Variants in VAX2 observed in about 807,000 individuals in gnomAD.
VAX2 encodes the protein ventral anterior homeobox 2.
A neutral mutation model predicts 12.5 loss-of-function variants in VAX2; 8 were observed. The observed-to-expected ratio is 0.64, with a 90% confidence interval of 0.37 to 1.15. The LOEUF (loss-of-function observed/expected upper bound fraction) is 1.15. VAX2 is among the 50% of genes most tolerant of loss of function. The pLI is 0.01. For synonymous variants in VAX2, 183 were observed against 187.6 expected, an observed-to-expected ratio of 0.98 and a Z score of 0.20; for missense variants, 476 against 412.9, an observed-to-expected ratio of 1.15 and a Z score of -1.32.
At chr2:70,928,710 T>C (rs1679625396) in intron 2 of VAX2, among the ~76,000 whole-genome samples, 1 of 152,170 alleles carries the variant, frequency 6.6e-6, no homozygotes, top group African/African-American at 2.4e-5. Context: ...GGGAATGAGT[T>C]AGTGCCACTC....
chr2:70,916,904 A>G lies in VAX2; in HGVS notation c.248-4194A>G, dbSNP rs574040539. Among the ~76,000 whole-genome samples the G allele has an allele frequency of 1.7e-4, 26 of 152,244 alleles. No individual in the cohort carries two copies. The South Asian group carries it at 5.4e-3, about 32-fold the overall frequency. ...TACAGCTCACGCCTGTAATCCCAACACTTTGGGAGGCCCAGGCAGGTGGAT... is the reference window on the plus strand; with the variant it reads ...TACAGCTCACGCCTGTAATCCCAACGCTTTGGGAGGCCCAGGCAGGTGGAT... On this transcript the variant is annotated intron_variant, in intron 1 of 2. Transcript: ENST00000234392.
intron 1 of VAX2, among the ~76,000 whole-genome samples, chr2:70,907,552 G>A: frequency 6.6e-6 from 1 of 152,258 alleles, no homozygotes; most frequent in Admixed American, 6.5e-5. Flanking sequence ...TTGACTTTCA[G>A]AGCCCCTGTC....
chr2:70,905,460 T>TC (rs1458838248), intron 1 of VAX2, among the ~76,000 whole-genome samples: 2 of 151,748 alleles, frequency 1.3e-5, no homozygotes, highest in East Asian at 1.9e-4. Flanking sequence ...TTCTTTTGTT[T>TC]CCCCCCCTTC....
At chr2:70,911,067 G>A (rs1316913725) in intron 1 of VAX2, among the ~76,000 whole-genome samples, 1 of 152,184 alleles carries the variant, frequency 6.6e-6, no homozygotes, top group Non-Finnish European at 1.5e-5. Flanking sequence ...CAAAAAATGA[G>A]TTGAATCTTT....
In VAX2 at chr2:70,916,899, C is replaced by T. The variant is rs183838628; in HGVS notation, c.248-4199C>T. 6.3e-3 allele frequency among the ~76,000 whole-genome samples: 956 copies of T among 152,086 alleles called. 6 individuals carry two copies. The highest frequency in any genetic ancestry group is 8.7e-3 in the Non-Finnish European group (590 of 67,978). ...GGGATTACAGCTCACGCCTGTAATC[C>T]CAACACTTTGGGAGGCCCAGGCAGG... On this transcript the variant is annotated intron_variant, in intron 1 of 2. Transcript: ENST00000234392.
At chr2:70,902,280 C>G (rs561491658) in intron 1 of VAX2, among the ~76,000 whole-genome samples, 3 of 152,324 alleles carry the variant, frequency 2.0e-5, no homozygotes, top group African/African-American at 7.2e-5. Flanking sequence ...GGAAACATTC[C>G]TGGTGCCAGA....
chr2:70,930,526 CA>C (rs138306307), intron 2 of VAX2, among the ~76,000 whole-genome samples: 174 of 152,314 alleles, frequency 1.1e-3, no homozygotes, highest in African/African-American at 4.0e-3. Flanking sequence ...GATCAGACGA[CA>C]GGGGGTGGCT....
intron 1 of VAX2, among the ~76,000 whole-genome samples, chr2:70,903,679 T>C (rs1453193371): frequency 1.3e-5 from 2 of 152,130 alleles, no homozygotes; most frequent in Non-Finnish European, 2.9e-5. Context: ...TTCATAAATA[T>C]TTGTTGACAG....
At chr2:70,906,873 G>A (rs1451987867) in intron 1 of VAX2, among the ~76,000 whole-genome samples, 4 of 152,152 alleles carry the variant, frequency 2.6e-5, no homozygotes, top group Admixed American at 2.6e-4. Context: ...CGGGCTCCCC[G>A]AGCCTGCTTC....
chr2:70,918,450 G>A (rs997206582), intron 1 of VAX2, among the ~76,000 whole-genome samples: 1 of 152,174 alleles, frequency 6.6e-6, no homozygotes, highest in Non-Finnish European at 1.5e-5. Context: ...CCGTCCCTGT[G>A]GATCACAAGG....
At chr2:70,924,498 T>C (rs1558661113) in intron 2 of VAX2, among the ~76,000 whole-genome samples, 1 of 152,060 alleles carries the variant, frequency 6.6e-6, no homozygotes, top group Non-Finnish European at 1.5e-5. Context: ...GCCCAGCCAA[T>C]AAGAGTATAT....
intron 1 of VAX2, among the ~76,000 whole-genome samples, chr2:70,907,539 A>G (rs1558654018): frequency 6.6e-6 from 1 of 152,192 alleles, no homozygotes; most frequent in Non-Finnish European, 1.5e-5. Flanking sequence ...CTTGCTGGAG[A>G]CATTGACTTT....
At chr2:70,901,458 C>A (rs1005370222) in intron 1 of VAX2, among the ~76,000 whole-genome samples, 1 of 152,248 alleles carries the variant, frequency 6.6e-6, no homozygotes, top group Non-Finnish European at 1.5e-5. Context: ...CCCACTTCCT[C>A]GCGGCGCCTG....
intron 1 of VAX2, among the ~76,000 whole-genome samples, chr2:70,920,084 T>C (rs953763154): frequency 1.3e-5 from 2 of 152,280 alleles, no homozygotes; most frequent in Middle Eastern, 3.4e-3. Flanking sequence ...GGCGGCCTTG[T>C]GTTGGTAAGC....
At chr2:70,920,094 C>T (rs986934602) in intron 1 of VAX2, among the ~76,000 whole-genome samples, 1 of 152,176 alleles carries the variant, frequency 6.6e-6, no homozygotes, top group Non-Finnish European at 1.5e-5. Flanking sequence ...TGTTGGTAAG[C>T]TTCCCATTGC....
chr2:70,909,483 A>G (rs2104763062), intron 1 of VAX2, among the ~76,000 whole-genome samples: 1 of 152,324 alleles, frequency 6.6e-6, no homozygotes, highest in African/African-American at 2.4e-5. Flanking sequence ...TTTTAATTAC[A>G]AAAGCAATCC....
intron 1 of VAX2, among the ~76,000 whole-genome samples, chr2:70,917,709 G>C (rs117479121): frequency 3.4e-4 from 51 of 152,042 alleles, no homozygotes; most frequent in Non-Finnish European, 1.5e-5. Flanking sequence ...CCATGACCCT[G>C]AGGGAGACAG....
intron 2 of VAX2, among the ~76,000 whole-genome samples, chr2:70,927,090 C>G (rs1283473925): frequency 1.8e-4 from 28 of 152,208 alleles, no homozygotes; most frequent in Admixed American, 1.8e-3. Flanking sequence ...TAGTGTCTGA[C>G]AGCCAAGAGG....
At chr2:70,911,288 C>CTTTTTTTTTTTTTTTTTTTTTTTTT (rs1679179137) in intron 1 of VAX2, among the ~76,000 whole-genome samples, 1 of 152,100 alleles carries the variant, frequency 6.6e-6, no homozygotes, top group Non-Finnish European at 1.5e-5. Context: ...GTGTCTCATT[C>CTTTTTTTTTTTTTTTTTTTTTTTTT]TTGTTAATGT....
Sources: allele counts gnomAD v4.1 joint callset (sites outside exome capture counted in the v4.1 genomes callset), GRCh38; gene constraint gnomAD v4.1.1; transcripts MANE v1.5; gene names NCBI Gene and HGNC (gene_info 2026-07-23, HGNC 2026-07-21).